Variants in AGPAT2 observed in about 807,000 individuals in gnomAD.
AGPAT2 encodes 1-acylglycerol-3-phosphate O-acyltransferase 2, also known as 1-acyl-sn-glycerol-3-phosphate acyltransferase beta.
A neutral mutation model predicts 26.1 loss-of-function variants in AGPAT2; 18 were observed. The ratio of observed to expected loss-of-function variants is 0.69; its 90% CI spans 0.48 to 1.02. The LOEUF (loss-of-function observed/expected upper bound fraction) is 1.02. Among genes scored for constraint, AGPAT2 ranks in the 50% least tolerant of loss-of-function variants. The pLI is 0.00. For synonymous variants in AGPAT2, 200 were observed against 174.2 expected (o/e 1.15, Z -1.16); for missense variants, 415 against 394.9 (o/e 1.05, Z -0.43).
At chr9:136,682,453 C>A (rs1291888145) in intron 1 of AGPAT2, among the ~76,000 whole-genome samples, 1 of 152,208 alleles carries the variant, frequency 6.6e-6, no homozygotes, top group Non-Finnish European at 1.5e-5. Flanking sequence ...TGTCGCTGTG[C>A]CAGACCAGGA....
chr9:136,680,164 C>T (rs12553230), intron 1 of AGPAT2, among the ~76,000 whole-genome samples: 12,316 of 152,272 alleles, frequency 0.081, 682 homozygotes, highest in Middle Eastern at 0.18. Context: ...GCAGGAGGCT[C>T]GGGCCACATC....
At position 136,676,966 on chromosome 9, in the gene AGPAT2, C is replaced by T. The variant is rs200183102; in HGVS notation, c.487G>A (p.Glu163Lys). The T allele has an allele frequency of 4.1e-6, 6 of 1,453,770 alleles. No individual in the cohort carries two copies. The highest frequency in any genetic ancestry group is 1.8e-5 in the Admixed American group (1 of 54,786). 90.1% of individuals were successfully genotyped at this position (1,453,770 alleles called of 1,614,324 possible). Reference protein sequence around the residue: ...MADLGERMVRENLKVWIYPEG... With the variant: ...MADLGERMVRKNLKVWIYPEG... Reference sequence around the variant, plus strand: ...GCCCGGCCCTGCACACTCACGTTCTCCCTGACCATGCGCTCGCCCAGGTCG... The same window carrying T: ...GCCCGGCCCTGCACACTCACGTTCTTCCTGACCATGCGCTCGCCCAGGTCG... The change falls in exon 3 of 6, where the codon GAG (glutamate) becomes AAG (lysine). Residue 163 changes from glutamate to lysine, a missense_variant. Transcript: ENST00000371696.
chr9:136,684,655 C>T (rs1846200860), intron 1 of AGPAT2, among the ~76,000 whole-genome samples: 1 of 152,198 alleles, frequency 6.6e-6, no homozygotes, highest in Non-Finnish European at 1.5e-5. Context: ...CCTCACCAGC[C>T]CCAAGCGCTG....
chr9:136,681,244 C>A (rs1033517569), intron 1 of AGPAT2, among the ~76,000 whole-genome samples: 3 of 152,224 alleles, frequency 2.0e-5, no homozygotes, highest in Admixed American at 2.0e-4. Flanking sequence ...CCACCACCGG[C>A]CCCTGGTCCT....
At chr9:136,674,646 C>T in intron 5 of AGPAT2, 89 bp downstream of exon 5, 1 of 1,064,412 alleles carries the variant, frequency 9.4e-7, no homozygotes, top group Non-Finnish European at 1.3e-6. Context: ...ACGGGTGCCA[C>T]CCGGAAATGG....
In AGPAT2 at chr9:136,674,767, A is replaced by G. The variant is rs377267603; in HGVS notation, c.629T>C (p.Phe210Ser). Residue 210 changes from phenylalanine to serine, a missense_variant, in exon 5 of 6, where the codon TTC becomes TCC. Physicochemically the swap from Phe to Ser is radical, Grantham distance 155. Coordinates refer to ENST00000371696, the MANE Select transcript of AGPAT2 (RefSeq NM_006412.4). ...GAAGAACTTCTTCTTGGTGTTGTAG[A>G]AGGAGGAGAAGGAAGAGTACACCAC... The part of the protein sequence containing the change: ...VPVVYSSFSS[F>S]YNTKKKFFTS... The G allele has an allele frequency of 4.3e-5, 66 of 1,528,836 alleles. No homozygotes were observed. Among genetic ancestry groups the G allele is most frequent in the East Asian group, 1.5e-4 (6 of 39,804 alleles). 94.7% of individuals were successfully genotyped at this position (1,528,836 alleles called of 1,614,324 possible).
intron 1 of AGPAT2, among the ~76,000 whole-genome samples, chr9:136,684,877 C>T (rs1352544737): frequency 4.6e-5 from 7 of 152,312 alleles, no homozygotes; most frequent in Admixed American, 2.6e-4. Flanking sequence ...GAACAGAGGC[C>T]GAGTATCCCC....
chr9:136,680,319 C>A (rs141185412), intron 1 of AGPAT2, among the ~76,000 whole-genome samples: 27 of 152,244 alleles, frequency 1.8e-4, no homozygotes, highest in Non-Finnish European at 1.6e-4. Flanking sequence ...CTCTGCCTCC[C>A]GGGTTCAAGC....
rs771629394 is a variant in AGPAT2, at chr9:136,677,416, G to A, written c.316+7C>T. 9.3e-6 allele frequency: 15 copies of A among 1,613,130 alleles called. No homozygotes were observed. Among genetic ancestry groups the A allele is most frequent in the South Asian group, 5.5e-5 (5 of 91,076 alleles). ...ACCCCAGAAGCCACCCCCGAGGCCC[G>A]GCCTACCCATCATGTCCAGGATGCT... On this transcript the variant is annotated splice_region_variant and intron_variant, in intron 2 of 5. Coordinates refer to ENST00000371696, the MANE Select transcript of AGPAT2 (RefSeq NM_006412.4).
intron 1 of AGPAT2, among the ~76,000 whole-genome samples, chr9:136,682,975 G>T (rs1233294075): frequency 2.7e-5 from 4 of 147,960 alleles, no homozygotes; most frequent in African/African-American, 9.9e-5. Context: ...GGGTGTGCAG[G>T]CTTACATTCT....
rs370610137 is a variant in AGPAT2, at chr9:136,680,956, C to T, written c.183-3400G>A. On this transcript the variant is annotated intron_variant, in intron 1 of 5. Coordinates refer to ENST00000371696, the MANE Select transcript of AGPAT2 (RefSeq NM_006412.4). ...CTGGGATGACAGGAAGGAGCCAGCG[C>T]GCCGAGCCCTCCTCTGTTTTGATTG... 5.3e-5 allele frequency among the ~76,000 whole-genome samples: 8 copies of T among 152,250 alleles called. No homozygotes were observed. In the South Asian group the frequency reaches 6.2e-4, roughly 12 times the overall value.
chr9:136,677,322 C>T, intron 2 of AGPAT2, 101 bp downstream of exon 2: 1 of 1,584,530 alleles, frequency 6.3e-7, no homozygotes, highest in Non-Finnish European at 8.6e-7. Context: ...CGCCCAGGCA[C>T]AGGCAGCCCT....
Position 136,677,570 on chromosome 9 carries a change from C to T in AGPAT2, c.183-14G>A. Reference sequence around the variant, plus strand: ...CAGCCGATGATGCTGCAGGGGAGGCCACCATGAACACGGGTCCCACAGATC... The same window carrying T: ...CAGCCGATGATGCTGCAGGGGAGGCTACCATGAACACGGGTCCCACAGATC... On this transcript the variant is annotated splice_polypyrimidine_tract_variant and intron_variant, in intron 1 of 5. Coordinates refer to ENST00000371696, the MANE Select transcript of AGPAT2 (RefSeq NM_006412.4). The T allele has an allele frequency of 1.9e-6, 3 of 1,612,804 alleles. No individual in the cohort carries two copies. The highest frequency in any genetic ancestry group is 2.5e-6 in the Non-Finnish European group (3 of 1,179,904).
intron 1 of AGPAT2, among the ~76,000 whole-genome samples, chr9:136,677,777 G>A (rs933751176): frequency 6.6e-6 from 1 of 152,316 alleles, no homozygotes; most frequent in African/African-American, 2.4e-5. Flanking sequence ...CCCAGCAACA[G>A]AGGAAAACCC....
chr9:136,683,477 G>A (rs920262763), intron 1 of AGPAT2, among the ~76,000 whole-genome samples: 44 of 152,152 alleles, frequency 2.9e-4, no homozygotes, highest in African/African-American at 1.0e-3. Context: ...ATTCAGGGCA[G>A]CCCCCTCCCC....
intron 1 of AGPAT2, among the ~76,000 whole-genome samples, chr9:136,677,810 T>C (rs1846113238): frequency 6.6e-6 from 1 of 152,030 alleles, no homozygotes; most frequent in African/African-American, 2.4e-5. Flanking sequence ...ACTCGGATGC[T>C]AGGAGCATGG....
chr9:136,676,849 G>A (rs1380931564), intron 3 of AGPAT2, 112 bp downstream of exon 3: 8 of 1,364,390 alleles, frequency 5.9e-6, no homozygotes, highest in African/African-American at 1.4e-5. Context: ...TGCGGAGCAT[G>A]GATGATGTGG....
chr9:136,677,572 C>T lies in AGPAT2; in HGVS notation c.183-16G>A, dbSNP rs1846109924. On this transcript the variant is annotated splice_polypyrimidine_tract_variant and intron_variant, in intron 1 of 5. Transcript: ENST00000371696. ...GCCGATGATGCTGCAGGGGAGGCCA[C>T]CATGAACACGGGTCCCACAGATCCC... The T allele has an allele frequency of 1.9e-6, 3 of 1,612,848 alleles. No homozygotes were observed. Among genetic ancestry groups the T allele is most frequent in the Non-Finnish European group, 2.5e-6 (3 of 1,179,900 alleles).
At chr9:136,684,628 G>A (rs1480361101) in intron 1 of AGPAT2, among the ~76,000 whole-genome samples, 1 of 152,204 alleles carries the variant, frequency 6.6e-6, no homozygotes, top group Non-Finnish European at 1.5e-5. Flanking sequence ...CCAGAGCTCA[G>A]GCCTGCCGCA....
Sources: gnomAD v4.1 joint callset for allele counts (sites outside exome capture counted in the v4.1 genomes callset) on GRCh38, gnomAD v4.1.1 for gene constraint, MANE v1.5 for transcripts, NCBI Gene and HGNC (gene_info 2026-07-23, HGNC 2026-07-21) for gene names.